The following IL1RL2 variants were observed in gnomAD, a reference collection of about 807,000 sequenced individuals.
IL1RL2 encodes the protein interleukin 1 receptor like 2.
In IL1RL2, 68 loss-of-function variants were observed where a neutral mutation model predicts 66.8. The ratio of observed to expected loss-of-function variants is 1.02; its 90% CI spans 0.84 to 1.25. IL1RL2 has a LOEUF of 1.25. IL1RL2 is among the 50% of genes most tolerant of loss of function. IL1RL2 has a pLI of 0.00. For missense variants in IL1RL2, 729 were observed against 709.3 expected, an observed-to-expected ratio of 1.03 and a Z score of -0.32; for synonymous variants, 305 against 264.6, an observed-to-expected ratio of 1.15 and a Z score of -1.48.
downstream of IL1RL2, among the ~76,000 whole-genome samples, chr2:102,241,771 G>T (rs1169771532): frequency 2.0e-5 from 3 of 152,214 alleles, no homozygotes; most frequent in African/African-American, 7.2e-5. Flanking sequence ...TAACACAGTT[G>T]TTAGACATGG....
downstream of IL1RL2, among the ~76,000 whole-genome samples, chr2:102,242,074 G>T (rs529504607): frequency 2.0e-5 from 3 of 152,148 alleles, no homozygotes; most frequent in Non-Finnish European, 4.4e-5. Context: ...AAAGAAACTC[G>T]CAACCCTCAG....
Position 102,189,281 on chromosome 2 carries a change from G to A in IL1RL2, c.264G>A (p.Gly88=). ...TTTTGTTTCTCCCCATGGAATGGGG[G>A]GACTCAGGAGTCTACCAATGTGTTA... ...TWILFLPMEW[G]DSGVYQCVIK... Residue 88 remains glycine, a synonymous_variant, in exon 3 of 12, where the codon GGG becomes GGA. Transcript: ENST00000264257. 1 of 1,607,304 alleles carries A rather than the reference G, an allele frequency of 6.2e-7. No individual in the cohort carries two copies. The highest frequency in any genetic ancestry group is 8.5e-7 in the Non-Finnish European group (1 of 1,174,362).
chr2:102,216,332 T>A (rs898385696), intron 6 of IL1RL2, among the ~76,000 whole-genome samples: 7 of 152,188 alleles, frequency 4.6e-5, no homozygotes, highest in Non-Finnish European at 8.8e-5. Flanking sequence ...AATTTTTAAC[T>A]TGAAGTCTAT....
chr2:102,214,913 C>T (rs538414192), intron 6 of IL1RL2, among the ~76,000 whole-genome samples: 15 of 152,234 alleles, frequency 9.9e-5, no homozygotes, highest in South Asian at 6.2e-4. Flanking sequence ...TGAAGGAGGG[C>T]GCTGGAGTGC....
intron 5 of IL1RL2, among the ~76,000 whole-genome samples, chr2:102,211,502 A>C (rs1421052867): frequency 1.3e-5 from 2 of 152,252 alleles, no homozygotes; most frequent in African/African-American, 4.8e-5. Flanking sequence ...TCCCTCATCC[A>C]ACTTTGACAA....
intron 6 of IL1RL2, among the ~76,000 whole-genome samples, chr2:102,215,567 C>T (rs1424080310): frequency 6.6e-6 from 1 of 152,090 alleles, no homozygotes; most frequent in East Asian, 1.9e-4. Flanking sequence ...TACATACTCA[C>T]CCTCATCCTG....
chr2:102,195,604 T>C (rs1687639746), intron 4 of IL1RL2, among the ~76,000 whole-genome samples: 1 of 17,958 alleles, frequency 5.6e-5, no homozygotes, highest in Non-Finnish European at 1.3e-4. Flanking sequence ...TTTCTTTCTT[T>C]CTTTCTTTCT....
In IL1RL2 at chr2:102,239,334, T is replaced by G; in HGVS notation, c.*93T>G. The G allele has an allele frequency of 8.1e-7, 1 of 1,239,118 alleles. No homozygotes were observed. Among genetic ancestry groups the G allele is most frequent in the Non-Finnish European group, 1.2e-6 (1 of 841,846 alleles). 76.8% of individuals were successfully genotyped at this position (1,239,118 alleles called of 1,614,324 possible). A position where few individuals can be genotyped will look rare whatever the true frequency, so the allele number is the denominator to read the frequency against. Reference sequence around the variant, plus strand: ...CCTATTTTCTGCTGCAGGATGAGGCTAGGGTTAGCATTCTAGACACCCAGT... The same window carrying G: ...CCTATTTTCTGCTGCAGGATGAGGCGAGGGTTAGCATTCTAGACACCCAGT... On this transcript the variant is annotated 3_prime_UTR_variant, in exon 12 of 12. Coordinates refer to ENST00000264257, the MANE Select transcript of IL1RL2 (RefSeq NM_003854.4).
chr2:102,216,022 C>G (rs941785923), intron 6 of IL1RL2, among the ~76,000 whole-genome samples: 2 of 152,080 alleles, frequency 1.3e-5, no homozygotes, highest in South Asian at 4.1e-4. Context: ...CAATAATTCT[C>G]CAGTAACAAA....
intron 4 of IL1RL2, among the ~76,000 whole-genome samples, chr2:102,197,250 A>G (rs1360386854): frequency 6.6e-6 from 1 of 152,134 alleles, no homozygotes; most frequent in Non-Finnish European, 1.5e-5. Flanking sequence ...GGCTTGCAGG[A>G]GAGGGATGAA....
At position 102,219,871 on chromosome 2, in the gene IL1RL2, T is replaced by A. The variant is rs749859804; in HGVS notation, c.855-10T>A. The A allele has an allele frequency of 6.3e-7, 1 of 1,597,912 alleles. No individual in the cohort carries two copies. Among genetic ancestry groups the A allele is most frequent in the Non-Finnish European group, 8.6e-7 (1 of 1,166,334 alleles). ...CTCATGTATTAATGACTTACTCTTT[T>A]CTTTTATAGAACCCATGTCTCTTTT... On this transcript the variant is annotated splice_polypyrimidine_tract_variant and intron_variant, in intron 7 of 11. Transcript: ENST00000264257.
At chr2:102,229,651 A>T (rs1250336466) in intron 9 of IL1RL2, among the ~76,000 whole-genome samples, 4 of 152,210 alleles carry the variant, frequency 2.6e-5, no homozygotes, top group African/African-American at 4.8e-5. Flanking sequence ...CTATTAATGT[A>T]TTGGTCAGTA....
At chr2:102,227,857 C>A (rs983244336) in intron 9 of IL1RL2, among the ~76,000 whole-genome samples, 1 of 152,090 alleles carries the variant, frequency 6.6e-6, no homozygotes, top group African/African-American at 2.4e-5. Context: ...TGAGTCATTG[C>A]GACTCCCAGG....
At chr2:102,199,944 A>G (rs1688099531) in intron 4 of IL1RL2, among the ~76,000 whole-genome samples, 1 of 151,986 alleles carries the variant, frequency 6.6e-6, no homozygotes. Context: ...AGACTCCTTG[A>G]GCTCAGGTGT....
chr2:102,226,348 G>A (rs752315887), intron 9 of IL1RL2, among the ~76,000 whole-genome samples: 3 of 152,132 alleles, frequency 2.0e-5, no homozygotes, highest in Non-Finnish European at 2.9e-5. Context: ...CGTCCACTGC[G>A]GGAAAGTTTC....
intron 5 of IL1RL2, among the ~76,000 whole-genome samples, chr2:102,202,856 T>C (rs1688383763): frequency 6.6e-6 from 1 of 152,214 alleles, no homozygotes. Context: ...CTTTTCTAAT[T>C]TGGATGCCGT....
chr2:102,237,296 C>T (rs145425681), intron 11 of IL1RL2, among the ~76,000 whole-genome samples: 16 of 152,328 alleles, frequency 1.1e-4, no homozygotes, highest in Non-Finnish European at 2.2e-4. Context: ...GACCACTCAC[C>T]CTTTGCGGTC....
chr2:102,218,232 T>C (rs1165585735), intron 6 of IL1RL2, among the ~76,000 whole-genome samples: 1 of 152,236 alleles, frequency 6.6e-6, no homozygotes, highest in African/African-American at 2.4e-5. Flanking sequence ...ATTCATTAAC[T>C]TGATATTTCT....
intron 5 of IL1RL2, among the ~76,000 whole-genome samples, chr2:102,204,262 A>G (rs760108217): frequency 1.3e-5 from 2 of 151,742 alleles, no homozygotes; most frequent in Non-Finnish European, 2.9e-5. Context: ...TATTATTCCA[A>G]TTTTTTCAGT....
Sources: gnomAD v4.1 joint callset for allele counts (sites outside exome capture counted in the v4.1 genomes callset) on GRCh38, gnomAD v4.1.1 for gene constraint, MANE v1.5 for transcripts, NCBI Gene and HGNC (gene_info 2026-07-23, HGNC 2026-07-21) for gene names.